SEZ6L: variants seen among roughly 807,000 people sequenced by gnomAD.
The protein encoded by SEZ6L is seizure 6-like protein.
A neutral mutation model predicts 106.2 loss-of-function variants in SEZ6L; 37 were observed. The observed-to-expected ratio is 0.35, with a 90% CI of 0.27 to 0.46. SEZ6L has a LOEUF of 0.46. SEZ6L is among the 20% of genes least tolerant of loss of function. The pLI is 1.00. For missense variants in SEZ6L, 1,172 were observed against 1,332.8 expected (o/e 0.88, Z 1.88); for synonymous variants, 541 against 570.4 (o/e 0.95, Z 0.73).
intron 1 of SEZ6L, among the ~76,000 whole-genome samples, chr22:26,241,685 G>A (rs1462837526): frequency 6.6e-6 from 1 of 152,188 alleles, no homozygotes; most frequent in East Asian, 1.9e-4. Flanking sequence ...AAGGAAAAAA[G>A]TTGATAATAA....
chr22:26,271,199 G>A lies in SEZ6L; in HGVS notation c.95-21207G>A, dbSNP rs1022466925. ...AACAGCAATAAAATCGTAATTATTC[G>A]TAGTATGTATATAAACAACATTAGG... On this transcript the variant is annotated intron_variant, in intron 1 of 16. Coordinates refer to ENST00000248933, the MANE Select transcript of SEZ6L (RefSeq NM_021115.5). Among the ~76,000 whole-genome samples the A allele has an allele frequency of 6.6e-5, 10 of 152,294 alleles. 1 individual carries two copies. Among genetic ancestry groups the A allele is most frequent in the South Asian group, 2.1e-4 (1 of 4,820 alleles).
intron 3 of SEZ6L, among the ~76,000 whole-genome samples, chr22:26,295,308 A>C (rs1342660108): frequency 6.6e-6 from 1 of 152,246 alleles, no homozygotes; most frequent in Non-Finnish European, 1.5e-5. Flanking sequence ...GCGACCATGC[A>C]GTGCATGTTA....
At position 26,297,013 on chromosome 22, in the gene SEZ6L, C is replaced by T. The variant is rs531104921; in HGVS notation, c.1095C>T (p.Asn365=). 4 of 1,614,162 alleles carry T rather than the reference C, an allele frequency of 2.5e-6. No homozygotes were observed. The South Asian group carries it at 3.3e-5, about 13-fold the overall frequency. The change falls in exon 4 of 17, where the codon AAC becomes AAT. Residue 365 remains asparagine (N), a synonymous_variant. Transcript: ENST00000248933. ...GGCAGGTAATCCGAAGCCCCACCAA[C>T]ACCATCTCCGTCTACTTCCGGACCT... is the stretch of plus-strand genomic sequence containing the variant. The part of the protein sequence containing the change: ...VEGQVIRSPT[N]TISVYFRTFQ...
At chr22:26,255,869 G>A (rs1446701470) in intron 1 of SEZ6L, among the ~76,000 whole-genome samples, 1 of 152,228 alleles carries the variant, frequency 6.6e-6, no homozygotes, top group African/African-American at 2.4e-5. Context: ...CAGCCATGTA[G>A]GGCAGACAAG....
chr22:26,368,467 G>A (rs948248357), intron 13 of SEZ6L, among the ~76,000 whole-genome samples: 7 of 152,166 alleles, frequency 4.6e-5, no homozygotes, highest in Admixed American at 3.9e-4. Context: ...GAACCTCAAA[G>A]CCGTTATGCT....
At chr22:26,311,661 T>C (rs2081835772) in intron 7 of SEZ6L, 107 bp from the exon 8 acceptor site, 4 of 998,944 alleles carry the variant, frequency 4.0e-6, no homozygotes, top group Non-Finnish European at 6.0e-6. Flanking sequence ...GGTACCTGTT[T>C]TCTTTGGGGC....
chr22:26,302,252 C>T (rs1211819527), intron 5 of SEZ6L, among the ~76,000 whole-genome samples: 1 of 152,156 alleles, frequency 6.6e-6, no homozygotes, highest in Non-Finnish European at 1.5e-5. Context: ...TCCTGAGCCC[C>T]ATGCAAAACC....
intron 3 of SEZ6L, 90 bp from the exon 4 acceptor site, chr22:26,296,798 C>A (rs766162316): frequency 4.2e-6 from 5 of 1,184,198 alleles, no homozygotes; most frequent in East Asian, 2.9e-5. Flanking sequence ...AGTACCTGGG[C>A]CACTTTTCAC....
chr22:26,305,327 C>T (rs1351594369), intron 5 of SEZ6L, among the ~76,000 whole-genome samples: 1 of 152,104 alleles, frequency 6.6e-6, no homozygotes, highest in Non-Finnish European at 1.5e-5. Context: ...TATCCAGAAC[C>T]GCATTTGGCG....
intron 7 of SEZ6L, 110 bp downstream of exon 7, chr22:26,310,946 A>C: frequency 9.3e-7 from 1 of 1,079,232 alleles, no homozygotes; most frequent in Non-Finnish European, 1.3e-6. Flanking sequence ...GGGAAATCCC[A>C]TGGCCATGTG....
chr22:26,357,347 A>G (rs796796875), intron 12 of SEZ6L, among the ~76,000 whole-genome samples: 2 of 152,306 alleles, frequency 1.3e-5, no homozygotes, highest in South Asian at 2.1e-4. Flanking sequence ...TAGCCCCTGG[A>G]AAAACAGTAA....
At chr22:26,204,832 T>C (rs1407558354) in intron 1 of SEZ6L, among the ~76,000 whole-genome samples, 1 of 152,240 alleles carries the variant, frequency 6.6e-6, no homozygotes, top group Non-Finnish European at 1.5e-5. Flanking sequence ...ATCCATTTTC[T>C]GGACCTTCTG....
At chr22:26,348,646 A>AAGAGAAAGAAAG (rs1556371589) in intron 11 of SEZ6L, among the ~76,000 whole-genome samples, 10 of 7,692 alleles carry the variant, frequency 1.3e-3, no homozygotes, top group African/African-American at 7.1e-3. Flanking sequence ...GAAAGAAAGA[A>AAGAGAAAGAAAG]AAAGAAAGAA....
At chr22:26,354,768 T>TC (rs1601597074) in intron 12 of SEZ6L, among the ~76,000 whole-genome samples, 1 of 152,144 alleles carries the variant, frequency 6.6e-6, no homozygotes, top group African/African-American at 2.4e-5. Context: ...GACGCAAGCC[T>TC]CCCTCCCTCC....
chr22:26,173,660 C>A (rs1013265197), intron 1 of SEZ6L, among the ~76,000 whole-genome samples: 4 of 152,142 alleles, frequency 2.6e-5, no homozygotes, highest in African/African-American at 9.7e-5. Context: ...AACAAAAATG[C>A]CTTAGATAGG....
intron 1 of SEZ6L, among the ~76,000 whole-genome samples, chr22:26,266,430 G>C (rs1477322785): frequency 1.9e-4 from 29 of 151,088 alleles, no homozygotes; most frequent in African/African-American, 6.8e-4. Context: ...AAATTTAGCC[G>C]GGCGTGGTGG....
In SEZ6L at chr22:26,314,099, G is replaced by C. The variant is rs1057409065; in HGVS notation, c.2015+197G>C. Among the ~76,000 whole-genome samples the C allele has an allele frequency of 4.1e-4, 62 of 150,994 alleles. 1 individual carries two copies. The East Asian group carries it at 6.9e-3, about 17-fold the overall frequency. ...ACACACACACACACACACACACAGAGAGAGAGAGAGAGGAGAGAGAGAGAG... is the reference window on the plus strand; with the variant it reads ...ACACACACACACACACACACACAGACAGAGAGAGAGAGGAGAGAGAGAGAG... On this transcript the variant is annotated intron_variant, in intron 9 of 16. Coordinates refer to ENST00000248933, the MANE Select transcript of SEZ6L (RefSeq NM_021115.5).
At chr22:26,218,440 T>G (rs939823891) in intron 1 of SEZ6L, among the ~76,000 whole-genome samples, 1 of 152,200 alleles carries the variant, frequency 6.6e-6, no homozygotes, top group African/African-American at 2.4e-5. Flanking sequence ...TGGTATGTAA[T>G]GTTCCCCTCC....
At chr22:26,379,810 C>T (rs935403871) in intron 16 of SEZ6L, among the ~76,000 whole-genome samples, 6 of 152,158 alleles carry the variant, frequency 3.9e-5, no homozygotes, top group Non-Finnish European at 5.9e-5. Context: ...TATCAGTGAC[C>T]TAGAACTATA....
Sources: allele counts gnomAD v4.1 joint callset (sites outside exome capture counted in the v4.1 genomes callset), GRCh38; gene constraint gnomAD v4.1.1; transcripts MANE v1.5; gene names NCBI Gene and HGNC (gene_info 2026-07-23, HGNC 2026-07-21).